The following FAF1 variants were observed in gnomAD, a reference collection of about 807,000 sequenced individuals.
FAF1 encodes the protein Fas associated factor 1.
In FAF1, 25 loss-of-function variants were observed where a neutral mutation model predicts 92.5. That is an observed-to-expected ratio of 0.27 (90% CI 0.20 to 0.38). The LOEUF is 0.38. Among genes scored for constraint, FAF1 ranks in the 10% least tolerant of loss-of-function variants. FAF1 has a pLI of 1.00. For missense variants in FAF1, 636 were observed against 793.3 expected, an observed-to-expected ratio of 0.80 and a Z score of 2.38; for synonymous variants, 234 against 273.2, an observed-to-expected ratio of 0.86 and a Z score of 1.42.
At chr1:50,611,959 G>A (rs570993233) in intron 8 of FAF1, among the ~76,000 whole-genome samples, 1 of 152,250 alleles carries the variant, frequency 6.6e-6, no homozygotes, top group South Asian at 2.1e-4. Flanking sequence ...AAATAATGAC[G>A]CTGAGCAGGA....
intron 2 of FAF1, among the ~76,000 whole-genome samples, chr1:50,823,214 T>C (rs1644062383): frequency 1.3e-5 from 2 of 152,332 alleles, no homozygotes; most frequent in African/African-American, 4.8e-5. Context: ...ACACTCTTCC[T>C]TGTTAACAGC....
At chr1:50,739,662 GA>G (rs1231631681) in intron 5 of FAF1, among the ~76,000 whole-genome samples, 1 of 152,082 alleles carries the variant, frequency 6.6e-6, no homozygotes, top group Non-Finnish European at 1.5e-5. Flanking sequence ...ATTAGACCTT[GA>G]AAAGATCACT....
intron 1 of FAF1, among the ~76,000 whole-genome samples, chr1:50,948,534 C>CT (rs1167611825): frequency 0.028 from 3,862 of 139,044 alleles, 146 homozygotes; most frequent in African/African-American, 0.081. Flanking sequence ...TTTTCTTTTT[C>CT]TTTTTTTTTT....
chr1:50,529,391 C>G (rs535651043), intron 15 of FAF1, among the ~76,000 whole-genome samples: 1 of 152,252 alleles, frequency 6.6e-6, no homozygotes, highest in South Asian at 2.1e-4. Flanking sequence ...TCAATGCAAT[C>G]AATCCTTATT....
chr1:50,638,445 C>CTT (rs35054798), intron 8 of FAF1, among the ~76,000 whole-genome samples: 100 of 131,600 alleles, frequency 7.6e-4, no homozygotes, highest in African/African-American at 1.6e-3. Flanking sequence ...TTTTCTTTTT[C>CTT]TTTTTTTTTT....
chr1:50,547,230 C>T (rs776973732), intron 13 of FAF1, among the ~76,000 whole-genome samples: 2 of 151,684 alleles, frequency 1.3e-5, no homozygotes, highest in African/African-American at 2.4e-5. Flanking sequence ...TAATGCCTCA[C>T]GATGCAAATG....
chr1:50,641,518 T>G (rs1186521462), intron 8 of FAF1, among the ~76,000 whole-genome samples: 1 of 152,104 alleles, frequency 6.6e-6, no homozygotes, highest in African/African-American at 2.4e-5. Context: ...TGATACATAA[T>G]TTAATTATGT....
intron 1 of FAF1, among the ~76,000 whole-genome samples, chr1:50,879,292 TTAATG>T (rs1249154858): frequency 4.0e-5 from 6 of 151,250 alleles, no homozygotes; most frequent in African/African-American, 1.5e-4. Flanking sequence ...ATGAATCAGA[TTAATG>T]TAATTCATCT....
intron 18 of FAF1, chr1:50,451,801 AT>A: frequency 1.0e-6 from 1 of 986,610 alleles, no homozygotes. Flanking sequence ...ACCCAAGTTT[AT>A]TCAGCATTCA....
In FAF1 at chr1:50,565,858, A is replaced by C. The variant is rs6679961; in HGVS notation, c.1268+1219T>G. Among the ~76,000 whole-genome samples the C allele has an allele frequency of 7.9e-3, 1,208 of 152,176 alleles. 12 individuals carry two copies. The highest frequency in any genetic ancestry group is 0.027 in the African/African-American group (1,140 of 41,550). ...ATAAAAGGAAAGGAGGAGATTCCTT[A>C]CTGCCAGTGAATGGCAAAAGATTTA... On this transcript the variant is annotated intron_variant, in intron 13 of 18. Transcript: ENST00000396153.
rs1481654972 is a variant in FAF1, at chr1:50,729,056, A to ATT, written c.551+9806_551+9807insAA. Among the ~76,000 whole-genome samples, 482 of 105,696 alleles carry ATT rather than the reference A, an allele frequency of 4.6e-3. 5 individuals are homozygous for ATT. The highest frequency in any genetic ancestry group is 6.3e-3 in the Non-Finnish European group (352 of 55,748). 69.3% of individuals were successfully genotyped at this position (105,696 alleles called of 152,430 possible). On this transcript the variant is annotated intron_variant, in intron 6 of 18. Coordinates refer to ENST00000396153, the MANE Select transcript of FAF1 (RefSeq NM_007051.3). ...TATCTATATATATATATATATATAT[A>ATT]TATTTTTTTTTTTTTTGAGGCAGAG...
intron 18 of FAF1, among the ~76,000 whole-genome samples, chr1:50,463,386 A>G (rs772358979): frequency 1.3e-5 from 2 of 152,182 alleles, no homozygotes; most frequent in Non-Finnish European, 2.9e-5. Flanking sequence ...CATAACCACA[A>G]GTGTGATTAT....
At chr1:50,770,147 T>C (rs1660725987) in intron 4 of FAF1, among the ~76,000 whole-genome samples, 2 of 152,132 alleles carry the variant, frequency 1.3e-5, no homozygotes, top group Non-Finnish European at 2.9e-5. Flanking sequence ...GCCAACATCA[T>C]ACTGAATTGA....
chr1:50,480,916 T>A (rs375746327), intron 17 of FAF1, among the ~76,000 whole-genome samples: 3 of 152,248 alleles, frequency 2.0e-5, no homozygotes, highest in East Asian at 3.9e-4. Flanking sequence ...GACTTTCCAG[T>A]GGACAAGATG....
chr1:50,474,924 C>G (rs1172596398), intron 18 of FAF1, among the ~76,000 whole-genome samples: 1 of 152,208 alleles, frequency 6.6e-6, no homozygotes, highest in Non-Finnish European at 1.5e-5. Context: ...ATCTATATCT[C>G]TCTACTTTGC....
At chr1:50,720,709 G>A (rs1279572912) in intron 6 of FAF1, among the ~76,000 whole-genome samples, 1 of 152,104 alleles carries the variant, frequency 6.6e-6, no homozygotes, top group Non-Finnish European at 1.5e-5. Context: ...ATCAACCAGG[G>A]AAAATTAACT....
chr1:50,959,489 A>G (rs1645297743), intron 1 of FAF1, among the ~76,000 whole-genome samples: 1 of 152,094 alleles, frequency 6.6e-6, no homozygotes, highest in Non-Finnish European at 1.5e-5. Context: ...CCCCCATATA[A>G]TACAGGAAAC....
At chr1:50,889,709 A>G (rs1475812270) in intron 1 of FAF1, among the ~76,000 whole-genome samples, 1 of 152,130 alleles carries the variant, frequency 6.6e-6, no homozygotes, top group African/African-American at 2.4e-5. Context: ...TTCTAGTTTG[A>G]TTGCACTGTG....
intron 2 of FAF1, among the ~76,000 whole-genome samples, chr1:50,845,842 G>A (rs1044089616): frequency 2.6e-5 from 4 of 152,062 alleles, no homozygotes; most frequent in Non-Finnish European, 4.4e-5. Flanking sequence ...AAGACTCGTG[G>A]CCAGGCGTGG....
Sources: allele counts gnomAD v4.1 joint callset (sites outside exome capture counted in the v4.1 genomes callset), GRCh38; gene constraint gnomAD v4.1.1; transcripts MANE v1.5; gene names NCBI Gene and HGNC (gene_info 2026-07-23, HGNC 2026-07-21).